The following CAMTA1 variants were observed in gnomAD, a reference collection of about 807,000 sequenced individuals.
CAMTA1 encodes the protein calmodulin-binding transcription activator 1.
In CAMTA1, 27 loss-of-function variants were observed where a neutral mutation model predicts 170.9. The ratio of observed to expected loss-of-function variants is 0.16; its 90% confidence interval spans 0.12 to 0.22. The LOEUF (loss-of-function observed/expected upper bound fraction) is 0.22. CAMTA1 is among the 10% of genes least tolerant of loss of function. CAMTA1 has a pLI of 1.00. For missense variants in CAMTA1, 1,619 were observed against 2,217.2 expected, an observed-to-expected ratio of 0.73 and a Z score of 5.42; for synonymous variants, 833 against 891.5, an observed-to-expected ratio of 0.93 and a Z score of 1.17.
intron 3 of CAMTA1, among the ~76,000 whole-genome samples, chr1:7,016,986 C>G (rs1175205852): frequency 1.3e-5 from 2 of 152,214 alleles, no homozygotes; most frequent in Non-Finnish European, 2.9e-5. Flanking sequence ...CTTTCTGTCT[C>G]TTTTTCTGGT....
rs964504016 is a variant in CAMTA1 at position 7,682,967 on chromosome 1, C to T, written c.2914+5234C>T. Among the ~76,000 whole-genome samples, 45 of 152,140 alleles carry T rather than the reference C, an allele frequency of 3.0e-4. No homozygotes were observed. Among genetic ancestry groups the T allele is most frequent in the Non-Finnish European group, 1.6e-4 (11 of 68,014 alleles). The stretch of plus-strand genomic sequence containing the variant: ...CAGGCGGATCACAAGGTCAGGAGAT[C>T]GAGCCCATCCTGGTTAACACGGTGA... On this transcript the variant is annotated intron_variant, in intron 11 of 22. Transcript: ENST00000303635. This position sits in a 1 kb window ranked among gnomAD's most constrained non-coding sequence, Gnocchi z 5.0.
intron 5 of CAMTA1, among the ~76,000 whole-genome samples, chr1:7,258,982 G>A (rs1360718926): frequency 6.6e-6 from 1 of 152,180 alleles, no homozygotes; most frequent in Non-Finnish European, 1.5e-5. Flanking sequence ...AAAACAGGGT[G>A]TAAATGAAGG....
intron 5 of CAMTA1, among the ~76,000 whole-genome samples, chr1:7,429,487 A>G (rs772416175): frequency 6.6e-6 from 1 of 151,958 alleles, no homozygotes; most frequent in South Asian, 2.1e-4. Context: ...ACGGGTGATG[A>G]TGATGGTGAT....
chr1:7,681,198 A>T lies in CAMTA1; in HGVS notation c.2914+3465A>T, dbSNP rs1250540456. Among the ~76,000 whole-genome samples the T allele has an allele frequency of 1.3e-5, 2 of 151,864 alleles. No homozygotes were observed. Among genetic ancestry groups the T allele is most frequent in the African/African-American group, 4.8e-5 (2 of 41,310 alleles). On this transcript the variant is annotated intron_variant, in intron 11 of 22. Transcript: ENST00000303635. This position sits in a 1 kb window ranked among gnomAD's most constrained non-coding sequence, Gnocchi z 4.6. The stretch of plus-strand genomic sequence containing the variant: ...CAGGGTCAAAGGCCCTGTCTGCTGG[A>T]CCCCCATCACTTAGCCCAGGGTTGG...
At chr1:7,677,770 A>C (rs1178243301) in intron 11 of CAMTA1, 37 bp downstream of exon 11, 2 of 1,596,890 alleles carry the variant, frequency 1.3e-6, no homozygotes, top group East Asian at 4.5e-5. Flanking sequence ...CCAGGCACCA[A>C]GGGAGAGGGA....
At chr1:6,893,735 C>T (rs1382408807) in intron 3 of CAMTA1, among the ~76,000 whole-genome samples, 1 of 152,138 alleles carries the variant, frequency 6.6e-6, no homozygotes, top group Non-Finnish European at 1.5e-5. Flanking sequence ...GACCCATAAT[C>T]CTTGCTTTTG....
chr1:7,352,795 C>T (rs2149899257), intron 5 of CAMTA1, among the ~76,000 whole-genome samples: 1 of 152,314 alleles, frequency 6.6e-6, no homozygotes, highest in East Asian at 1.9e-4. Context: ...GAGGTTACAC[C>T]TCCTCCCTAG....
chr1:7,703,736 A>G lies in CAMTA1; in HGVS notation c.2914+26003A>G, dbSNP rs149526076. Among the ~76,000 whole-genome samples, 1,338 of 152,294 alleles carry G rather than the reference A, an allele frequency of 8.8e-3. 13 individuals are homozygous for G. The highest frequency in any genetic ancestry group is 0.029 in the African/African-American group (1,210 of 41,552). ...CAAAAACAAAATAGGCGGTCTCATC[A>G]CAGGTCTTGGGGTCAGGCACTTTCT... On this transcript the variant is annotated intron_variant, in intron 11 of 22. Transcript: ENST00000303635.
rs1666138866 is a variant in CAMTA1, at chr1:7,248,303, C to T, written c.303-1188C>T. Among the ~76,000 whole-genome samples, 1 of 152,198 alleles carries T rather than the reference C, an allele frequency of 6.6e-6. No homozygotes were observed. Among genetic ancestry groups the T allele is most frequent in the East Asian group, 1.9e-4 (1 of 5,192 alleles). ...GGGACAGATGGCTGACTTATGGTTT[C>T]CTCGCCTCCGTTGTAGCAGAGCAAC... On this transcript the variant is annotated intron_variant, in intron 4 of 22. Transcript: ENST00000303635. The surrounding 1 kb of genome is among the most constrained non-coding windows in gnomAD (Gnocchi z 4.0).
rs977810856 is a variant in CAMTA1 at position 6,934,596 on chromosome 1, G to A, written c.234+109386G>A. Among the ~76,000 whole-genome samples, 4 of 152,184 alleles carry A rather than the reference G, an allele frequency of 2.6e-5. No homozygotes were observed. The highest frequency in any genetic ancestry group is 4.8e-5 in the African/African-American group (2 of 41,434). ...GTTGCTGGCTGTGACAGGTACTGTG[G>A]AATCCTTGCCTTCCAGGGGAGACCT... On this transcript the variant is annotated intron_variant, in intron 3 of 22. Coordinates refer to ENST00000303635, the MANE Select transcript of CAMTA1 (RefSeq NM_015215.4). This position sits in a 1 kb window ranked among gnomAD's most constrained non-coding sequence, Gnocchi z 4.5.
chr1:7,737,488 C>T lies in CAMTA1; in HGVS notation c.3576C>T (p.Ser1192=), dbSNP rs566753039. 62 of 1,614,190 alleles carry T rather than the reference C, an allele frequency of 3.8e-5. No individual in the cohort carries two copies. In the South Asian group the frequency reaches 6.6e-4, roughly 17 times the overall value. ...CPASEEPSTE[S]WMAQWHSEAI... is the part of the protein sequence containing the mutation. Reference sequence around the variant, plus strand: ...CAAGCGAAGAGCCCAGCACAGAGAGCTGGATGGCCCAGTGGCACAGCGAAG... The same window carrying T: ...CAAGCGAAGAGCCCAGCACAGAGAGTTGGATGGCCCAGTGGCACAGCGAAG... The change falls in exon 15 of 23, where the codon AGC becomes AGT. Residue 1192 remains serine, a synonymous_variant. Coordinates refer to ENST00000303635, the MANE Select transcript of CAMTA1 (RefSeq NM_015215.4).
chr1:7,262,957 C>T (rs1668388655), intron 5 of CAMTA1, among the ~76,000 whole-genome samples: 1 of 152,220 alleles, frequency 6.6e-6, no homozygotes, highest in Non-Finnish European at 1.5e-5. Flanking sequence ...GAACCGATCA[C>T]ACTTGCCTTT....
chr1:7,708,349 A>C (rs886548072), intron 11 of CAMTA1, among the ~76,000 whole-genome samples: 1 of 151,844 alleles, frequency 6.6e-6, no homozygotes, highest in Non-Finnish European at 1.5e-5. Flanking sequence ...AAAACAAAGA[A>C]TAGCCAGGCG....
At chr1:7,321,889 C>A (rs1021828303) in intron 5 of CAMTA1, among the ~76,000 whole-genome samples, 5 of 152,184 alleles carry the variant, frequency 3.3e-5, no homozygotes, top group African/African-American at 9.7e-5. Flanking sequence ...TGCTGGGTTA[C>A]ACCACCACGT....
chr1:7,149,307 T>G (rs1646427071), intron 4 of CAMTA1, among the ~76,000 whole-genome samples: 2 of 152,330 alleles, frequency 1.3e-5, no homozygotes, highest in African/African-American at 2.4e-5. Context: ...GGAGAAAGAC[T>G]TTCTGGCAGG....
intron 16 of CAMTA1, among the ~76,000 whole-genome samples, chr1:7,742,377 A>T (rs1158118895): frequency 6.6e-6 from 1 of 152,116 alleles, no homozygotes; most frequent in Non-Finnish European, 1.5e-5. Flanking sequence ...ACTATATGAT[A>T]GATTTAATAT....
chr1:7,522,834 A>G (rs912964305), intron 6 of CAMTA1, among the ~76,000 whole-genome samples: 14 of 151,954 alleles, frequency 9.2e-5, no homozygotes, highest in Admixed American at 7.2e-4. Context: ...TGTTGGGGCT[A>G]TTTCTGGGTT....
chr1:7,150,361 G>C (rs1245061704), intron 4 of CAMTA1, among the ~76,000 whole-genome samples: 1 of 152,144 alleles, frequency 6.6e-6, no homozygotes, highest in Non-Finnish European at 1.5e-5. Context: ...AAGCCACAGG[G>C]CATCCTCAGA....
intron 11 of CAMTA1, among the ~76,000 whole-genome samples, chr1:7,678,121 G>A (rs913200793): frequency 3.9e-5 from 6 of 152,202 alleles, no homozygotes; most frequent in African/African-American, 9.6e-5. Flanking sequence ...CTGTTTCCGC[G>A]GGCTCCTGGA....
Sources: allele counts gnomAD v4.1 joint callset (sites outside exome capture counted in the v4.1 genomes callset), GRCh38; gene constraint gnomAD v4.1.1; non-coding constraint Gnocchi (gnomAD v3.1); transcripts MANE v1.5; gene names NCBI Gene and HGNC (gene_info 2026-07-23, HGNC 2026-07-21).